Variants in HDGFL3 observed in about 807,000 individuals in gnomAD.
The protein encoded by HDGFL3 is HDGF like 3.
A neutral mutation model predicts 27.6 loss-of-function variants in HDGFL3; 6 were observed. The ratio of observed to expected loss-of-function variants is 0.22; its 90% CI spans 0.12 to 0.43. HDGFL3 has a LOEUF of 0.43. HDGFL3 is among the 20% of genes least tolerant of loss of function. HDGFL3 has a pLI of 1.00. For missense variants in HDGFL3, 207 were observed against 250.1 expected (o/e 0.83, Z 1.16); for synonymous variants, 88 against 88.9 (o/e 0.99, Z 0.05).
intron 1 of HDGFL3, among the ~76,000 whole-genome samples, chr15:83,175,438 GCA>G (rs1257809563): frequency 6.6e-6 from 1 of 152,112 alleles, no homozygotes; most frequent in Non-Finnish European, 1.5e-5. Flanking sequence ...CACCTCCCAG[GCA>G]CAGTTTTTCT....
chr15:83,177,211 G>C (rs2037323937), intron 1 of HDGFL3, among the ~76,000 whole-genome samples: 1 of 152,192 alleles, frequency 6.6e-6, no homozygotes, highest in Non-Finnish European at 1.5e-5. Flanking sequence ...GAGCCATTTT[G>C]CATTTTTATA....
At chr15:83,140,750 T>C (rs2036752959) in intron 5 of HDGFL3, among the ~76,000 whole-genome samples, 2 of 152,204 alleles carry the variant, frequency 1.3e-5, no homozygotes, top group Non-Finnish European at 1.5e-5. Flanking sequence ...CCCAAAGTGC[T>C]GGGATTACAG....
chr15:83,123,985 A>G (rs998418147), downstream of HDGFL3, among the ~76,000 whole-genome samples: 1 of 152,226 alleles, frequency 6.6e-6, no homozygotes, highest in Non-Finnish European at 1.5e-5. Flanking sequence ...TTCTGCTCCT[A>G]GAGCCCTATC....
chr15:83,181,315 T>C (rs1412034003), intron 1 of HDGFL3, among the ~76,000 whole-genome samples: 1 of 152,216 alleles, frequency 6.6e-6, no homozygotes, highest in East Asian at 1.9e-4. Context: ...CTGCTGATTC[T>C]GGAGGAAGAA....
At chr15:83,125,334 A>G (rs762693062), downstream of HDGFL3, among the ~76,000 whole-genome samples, 23 of 151,994 alleles carry the variant, frequency 1.5e-4, no homozygotes, top group Admixed American at 6.6e-4. Context: ...CATGTTTTCT[A>G]TTTTCTCTTT....
intron 3 of HDGFL3, chr15:83,119,776 A>C (rs918421089): frequency 1.3e-6 from 2 of 1,573,370 alleles, no homozygotes; most frequent in African/African-American, 2.7e-5. Flanking sequence ...ATACACAAGC[A>C]GGTATACTGG....
intron 1 of HDGFL3, among the ~76,000 whole-genome samples, chr15:83,178,515 T>C (rs1260495827): frequency 1.3e-5 from 2 of 152,082 alleles, no homozygotes; most frequent in Non-Finnish European, 2.9e-5. Context: ...AACAATAAAA[T>C]TAGCCAGGTG....
intron 1 of HDGFL3, among the ~76,000 whole-genome samples, chr15:83,187,759 A>G (rs2151418759): frequency 6.6e-6 from 1 of 152,200 alleles, no homozygotes; most frequent in Admixed American, 6.5e-5. Flanking sequence ...ATGGTGGCAC[A>G]TGCCTGTAAT....
At chr15:83,126,980 CAGG>C (rs2035816549), downstream of HDGFL3, 1 of 672,110 alleles carries the variant, frequency 1.5e-6, no homozygotes, top group South Asian at 1.9e-5. Context: ...ATCACGAGGT[CAGG>C]AGTTTGAAAC....
intron 5 of HDGFL3, among the ~76,000 whole-genome samples, chr15:83,141,428 T>C (rs1021340883): frequency 4.6e-5 from 7 of 152,318 alleles, no homozygotes; most frequent in African/African-American, 1.7e-4. Context: ...AATGATAATA[T>C]TCAATATGGC....
At chr15:83,195,772 GA>G (rs1213775215) in intron 1 of HDGFL3, among the ~76,000 whole-genome samples, 1 of 151,420 alleles carries the variant, frequency 6.6e-6, no homozygotes, top group Non-Finnish European at 1.5e-5. Flanking sequence ...GGCAAAGAAT[GA>G]AAAAAGGGAA....
chr15:83,170,069 G>A (rs779184550), intron 1 of HDGFL3, among the ~76,000 whole-genome samples: 7 of 152,094 alleles, frequency 4.6e-5, no homozygotes, highest in East Asian at 3.8e-4. Flanking sequence ...AGAAATCACC[G>A]ATGACACAAA....
downstream of HDGFL3, chr15:83,124,586 T>A: frequency 9.9e-7 from 1 of 1,012,364 alleles, no homozygotes; most frequent in Middle Eastern, 2.1e-4. Flanking sequence ...AATTCTCTTA[T>A]CCATCATCAT....
chr15:83,151,270 T>C lies in HDGFL3; in HGVS notation c.551A>G (p.Asp184Gly), dbSNP rs2036960454. The part of the protein sequence containing the change: ...EENKSSSEGG[D>G]AGNDTRNTTS... ...TGTGTTTCTTGTGTCGTTGCCCGCATCTCCACCCTCAGAGCTGCTTTTGTT... is the reference window on the plus strand; with the variant it reads ...TGTGTTTCTTGTGTCGTTGCCCGCACCTCCACCCTCAGAGCTGCTTTTGTT... The change falls in exon 5 of 6, where the codon GAT (aspartate) becomes GGT (glycine). Residue 184 changes from aspartate to glycine, a missense_variant. By Grantham distance (94) the Asp-to-Gly change is moderately conservative. Transcript: ENST00000299633. 11 of 1,613,466 alleles carry C rather than the reference T, an allele frequency of 6.8e-6. No homozygotes were observed. The highest frequency in any genetic ancestry group is 9.3e-6 in the Non-Finnish European group (11 of 1,179,786).
At chr15:83,175,360 C>G (rs2037296079) in intron 1 of HDGFL3, among the ~76,000 whole-genome samples, 1 of 152,164 alleles carries the variant, frequency 6.6e-6, no homozygotes, top group Non-Finnish European at 1.5e-5. Context: ...GAAAATTATA[C>G]TTTGACAACT....
intron 5 of HDGFL3, among the ~76,000 whole-genome samples, chr15:83,141,703 C>T (rs1329981072): frequency 2.6e-5 from 4 of 152,128 alleles, no homozygotes; most frequent in Non-Finnish European, 5.9e-5. Flanking sequence ...CCTGCCTCAG[C>T]CTATCAAAGT....
chr15:83,191,145 G>A (rs887187852), intron 1 of HDGFL3, among the ~76,000 whole-genome samples: 8 of 152,090 alleles, frequency 5.3e-5, no homozygotes, highest in East Asian at 1.9e-4. Context: ...AGCCAAAAGC[G>A]GTCTTAATTT....
At chr15:83,164,659 C>T (rs2037146611) in intron 1 of HDGFL3, among the ~76,000 whole-genome samples, 1 of 152,206 alleles carries the variant, frequency 6.6e-6, no homozygotes, top group African/African-American at 2.4e-5. Flanking sequence ...GCATTCCTAG[C>T]TGTACATCTG....
chr15:83,136,608 C>A lies in HDGFL3; in HGVS notation c.*2662G>T. Reference sequence around the variant, plus strand: ...TATGGAGTTCTTCCTCAGCTCTTGGCCTATCGTTGTATCTACAAACCAGAG... The same window carrying A: ...TATGGAGTTCTTCCTCAGCTCTTGGACTATCGTTGTATCTACAAACCAGAG... On this transcript the variant is annotated 3_prime_UTR_variant, in exon 6 of 6. Transcript: ENST00000299633. 6.2e-7 allele frequency: 1 copy of A among 1,612,624 alleles called. No homozygotes were observed. The highest frequency in any genetic ancestry group is 1.7e-5 in the Admixed American group (1 of 59,732).
Sources: allele counts gnomAD v4.1 joint callset (sites outside exome capture counted in the v4.1 genomes callset), GRCh38; gene constraint gnomAD v4.1.1; transcripts MANE v1.5; gene names NCBI Gene and HGNC (gene_info 2026-07-23, HGNC 2026-07-21).